The following OSBPL5 variants were observed in gnomAD, a reference collection of about 807,000 sequenced individuals.
The protein encoded by OSBPL5 is oxysterol binding protein like 5, also known as oxysterol-binding protein-related protein 5.
A neutral mutation model predicts 111.2 loss-of-function variants in OSBPL5; 71 were observed. The ratio of observed to expected loss-of-function variants is 0.64; its 90% CI spans 0.53 to 0.78. The LOEUF is 0.78. Ranked by LOEUF, OSBPL5 falls within the 30% of genes least tolerant of loss-of-function variation. The pLI is 0.00. For missense variants in OSBPL5, 1,210 were observed against 1,189.3 expected (o/e 1.02, Z -0.26); for synonymous variants, 549 against 513.9 (o/e 1.07, Z -0.93).
intron 1 of OSBPL5, chr11:3,160,855 C>T (rs1220572363): frequency 1.3e-5 from 2 of 152,224 alleles, no homozygotes; most frequent in Admixed American, 6.5e-5. Flanking sequence ...AGAGCTCCCT[C>T]TGTGCTGTCC....
At chr11:3,133,696 G>A (rs1046209363) in intron 1 of OSBPL5, among the ~76,000 whole-genome samples, 1 of 152,214 alleles carries the variant, frequency 6.6e-6, no homozygotes, top group Non-Finnish European at 1.5e-5. Flanking sequence ...ATGGTGCTGC[G>A]TCCATCTCCA....
At chr11:3,100,330 A>G in intron 13 of OSBPL5, 74 bp from the exon 14 acceptor site, 1 of 1,350,974 alleles carries the variant, frequency 7.4e-7, no homozygotes, top group Non-Finnish European at 1.0e-6. Context: ...CCTAAGTCAC[A>G]GGGTCTGAGC....
Position 3,114,591 on chromosome 11 carries a change from A to ACTTTTTTTTTTTTTTTTTTTTTTTTTT in OSBPL5, c.691+4955_691+4956insAAAAAAAAAAAAAAAAAAAAAAAAAAG, listed in dbSNP as rs774192603. On this transcript the variant is annotated intron_variant, in intron 7 of 21. Coordinates refer to ENST00000263650, the MANE Select transcript of OSBPL5 (RefSeq NM_020896.4). The stretch of plus-strand genomic sequence containing the variant: ...GACTAAAGAATTGGTTAGAACAATG[A>ACTTTTTTTTTTTTTTTTTTTTTTTTTT]TTTTTTTTTTTTTTTTTTTTTTTTT... 2.4e-4 allele frequency among the ~76,000 whole-genome samples: 27 copies of ACTTTTTTTTTTTTTTTTTTTTTTTTTT among 113,900 alleles called. 13 individuals carry two copies. The highest frequency in any genetic ancestry group is 5.4e-4 in the South Asian group (2 of 3,734). 74.7% of individuals were successfully genotyped at this position (113,900 alleles called of 152,430 possible).
At chr11:3,139,094 TC>T (rs749049128) in intron 1 of OSBPL5, among the ~76,000 whole-genome samples, 16 of 152,046 alleles carry the variant, frequency 1.1e-4, no homozygotes, top group Non-Finnish European at 1.5e-5. Context: ...GCCCACACTC[TC>T]CCCCAAAACC....
rs931199691 is a variant in OSBPL5 at position 3,140,376 on chromosome 11, C to T, written c.-21-11207G>A. Among the ~76,000 whole-genome samples the T allele has an allele frequency of 6.6e-6, 1 of 152,264 alleles. No homozygotes were observed. Among genetic ancestry groups the T allele is most frequent in the African/African-American group, 2.4e-5 (1 of 41,548 alleles). ...TGGACAGGCAGGGTAGGGCTCACAG[C>T]CAAGCTAGGACACCCTTCCCAGGGC... is the stretch of plus-strand genomic sequence containing the variant. On this transcript the variant is annotated intron_variant, in intron 1 of 21. Coordinates refer to ENST00000263650, the MANE Select transcript of OSBPL5 (RefSeq NM_020896.4). This position sits in a 1 kb window ranked among gnomAD's most constrained non-coding sequence, Gnocchi z 4.5.
At chr11:3,135,658 G>A (rs1276719900) in intron 1 of OSBPL5, among the ~76,000 whole-genome samples, 1 of 152,226 alleles carries the variant, frequency 6.6e-6, no homozygotes, top group Non-Finnish European at 1.5e-5. Flanking sequence ...GGCCGTGATG[G>A]TGTCGTGCAG....
chr11:3,123,259 C>A (rs1404998472), intron 3 of OSBPL5, among the ~76,000 whole-genome samples: 4 of 152,236 alleles, frequency 2.6e-5, no homozygotes, highest in Non-Finnish European at 4.4e-5. Flanking sequence ...CTAAAGCCTG[C>A]AGGCTGGGGA....
intron 1 of OSBPL5, among the ~76,000 whole-genome samples, chr11:3,164,757 C>A (rs1005810959): frequency 2.0e-5 from 3 of 152,214 alleles, no homozygotes; most frequent in African/African-American, 4.8e-5. Flanking sequence ...AGACCCCCTG[C>A]AGACCCATCA....
At position 3,121,875 on chromosome 11, in the gene OSBPL5, A is replaced by G; in HGVS notation, c.402+122T>C. The G allele has an allele frequency of 1.2e-6, 1 of 831,058 alleles. No individual in the cohort carries two copies. Among genetic ancestry groups the G allele is most frequent in the Non-Finnish European group, 1.9e-6 (1 of 521,492 alleles). 51.5% of individuals were successfully genotyped at this position (831,058 alleles called of 1,614,324 possible). A position where few individuals can be genotyped will look rare whatever the true frequency, so the allele number is the denominator to read the frequency against. ...TGAGGAAGGAGCAGAGGCTGCAGTG[A>G]TAACGGCTAGATGCAGGGAAGTGAA... On this transcript the variant is annotated intron_variant, in intron 5 of 21. Transcript: ENST00000263650. This position sits in a 1 kb window ranked among gnomAD's most constrained non-coding sequence, Gnocchi z 4.3.
At position 3,121,822 on chromosome 11, in the gene OSBPL5, A is replaced by G; in HGVS notation, c.402+175T>C. 3 of 615,266 alleles carry G rather than the reference A, an allele frequency of 4.9e-6. No individual in the cohort carries two copies. The highest frequency in any genetic ancestry group is 8.6e-6 in the Non-Finnish European group (3 of 348,140). The allele number at this position is 615,266 out of a possible 1,614,324, so 38.1% of individuals were successfully genotyped here. A position where few individuals can be genotyped will look rare whatever the true frequency, so the allele number is the denominator to read the frequency against. ...CACTGGTGTCCTTATAAAAAGGGGG[A>G]GAGACAGGTGGATAAGGAAAGGCCT... On this transcript the variant is annotated intron_variant, in intron 5 of 21. Coordinates refer to ENST00000263650, the MANE Select transcript of OSBPL5 (RefSeq NM_020896.4). The surrounding 1 kb of genome is among the most constrained non-coding windows in gnomAD (Gnocchi z 4.3).
Position 3,142,281 on chromosome 11 carries a change from T to C in OSBPL5, c.-21-13112A>G, listed in dbSNP as rs959909319. Among the ~76,000 whole-genome samples the C allele has an allele frequency of 6.6e-6, 1 of 152,194 alleles. No homozygotes were observed. Among genetic ancestry groups the C allele is most frequent in the Non-Finnish European group, 1.5e-5 (1 of 68,038 alleles). ...CGCCCAGGGCCACACGGCAGGTTGG[T>C]GCAGGAGGTGCTGGGCCCTGGTGCC... On this transcript the variant is annotated intron_variant, in intron 1 of 21. Coordinates refer to ENST00000263650, the MANE Select transcript of OSBPL5 (RefSeq NM_020896.4). The surrounding 1 kb of genome is among the most constrained non-coding windows in gnomAD (Gnocchi z 7.1).
At chr11:3,135,470 C>T (rs537392702) in intron 1 of OSBPL5, among the ~76,000 whole-genome samples, 109 of 152,352 alleles carry the variant, frequency 7.2e-4, no homozygotes, top group Non-Finnish European at 1.3e-3. Flanking sequence ...TCCTGAGGCC[C>T]TCCTCTGGGC....
chr11:3,150,669 G>A (rs375805655), intron 1 of OSBPL5, among the ~76,000 whole-genome samples: 9 of 152,292 alleles, frequency 5.9e-5, no homozygotes, highest in African/African-American at 1.2e-4. Context: ...GGTCTCCCCC[G>A]TGGCCACACC....
Position 3,126,542 on chromosome 11 carries a change from C to G in OSBPL5, c.150G>C (p.Glu50Asp). Reference protein sequence around the residue: ...LYPLSPGKDMEPNGPSLPRDE... With the variant: ...LYPLSPGKDMDPNGPSLPRDE... ...CCCTGGGCAGCGACGGGCCGTTGGG[C>G]TCCATGTCCTTCCCTGCAAGAGAGC... Residue 50 changes from glutamate to aspartate, a missense_variant, in exon 3 of 22, where the codon GAG becomes GAC. Transcript: ENST00000263650. The surrounding 1 kb of genome is among the most constrained non-coding windows in gnomAD (Gnocchi z 6.5). 2 of 1,608,584 alleles carry G rather than the reference C, an allele frequency of 1.2e-6. No homozygotes were observed. The highest frequency in any genetic ancestry group is 8.5e-7 in the Non-Finnish European group (1 of 1,178,348).
intron 7 of OSBPL5, among the ~76,000 whole-genome samples, chr11:3,111,868 T>A: frequency 6.6e-6 from 1 of 152,228 alleles, no homozygotes; most frequent in East Asian, 1.9e-4. Flanking sequence ...TTTGTCCTAG[T>A]TGAAATATGG....
intron 20 of OSBPL5, 74 bp from the exon 21 acceptor site, chr11:3,090,022 C>A (rs1015606923): frequency 1.1e-5 from 13 of 1,205,606 alleles, no homozygotes; most frequent in South Asian, 1.5e-5. Context: ...GTGGGGCTGG[C>A]ACGTGGGTCA....
Position 3,121,038 on chromosome 11 carries a change from T to C in OSBPL5, c.403-414A>G, listed in dbSNP as rs1485552733. Among the ~76,000 whole-genome samples, 1 of 150,826 alleles carries C rather than the reference T, an allele frequency of 6.6e-6. No individual in the cohort carries two copies. Among genetic ancestry groups the C allele is most frequent in the African/African-American group, 2.4e-5 (1 of 41,062 alleles). ...GGAACCAGCAATGAGTGGTGTGACTTGTAACTGGCAGCTTTGTAGATTCTT... is the reference window on the plus strand; with the variant it reads ...GGAACCAGCAATGAGTGGTGTGACTCGTAACTGGCAGCTTTGTAGATTCTT... On this transcript the variant is annotated intron_variant, in intron 5 of 21. Transcript: ENST00000263650. This position sits in a 1 kb window ranked among gnomAD's most constrained non-coding sequence, Gnocchi z 4.3.
chr11:3,147,829 T>C (rs920282875), intron 1 of OSBPL5, among the ~76,000 whole-genome samples: 1 of 152,020 alleles, frequency 6.6e-6, no homozygotes, highest in Non-Finnish European at 1.5e-5. Context: ...CCTCGGCAAG[T>C]GGGAGTTGAT....
At position 3,101,697 on chromosome 11, in the gene OSBPL5, C is replaced by T; in HGVS notation, c.1428G>A (p.Val476=). 6.2e-7 allele frequency: 1 copy of T among 1,613,144 alleles called. No homozygotes were observed. Residue 476 remains valine, a splice_region_variant and synonymous_variant, in exon 13 of 22, where the codon GTG becomes GTA. Transcript: ENST00000263650. ...AGGCAGACACGGGCGGGTGGTGGGA[C>T]ACCTGCGTGCAGGGAGGCGGCTCTG... ...DSRTFYIAEQ[V]SHHPPVSAFH... is the part of the protein sequence containing the mutation.
Sources: gnomAD v4.1 joint callset for allele counts (sites outside exome capture counted in the v4.1 genomes callset) on GRCh38, gnomAD v4.1.1 for gene constraint, Gnocchi (gnomAD v3.1) non-coding constraint, MANE v1.5 for transcripts, NCBI Gene and HGNC (gene_info 2026-07-23, HGNC 2026-07-21) for gene names.